The following SRRM4 variants were observed in gnomAD, a reference collection of about 807,000 sequenced individuals.
SRRM4 encodes the protein serine/arginine repetitive matrix 4.
SRRM4 carries 33 observed loss-of-function variants against 68.9 expected under a neutral mutation model. The ratio of observed to expected loss-of-function variants is 0.48; its 90% CI spans 0.36 to 0.64. The LOEUF (loss-of-function observed/expected upper bound fraction) is 0.64, where lower values mean the gene tolerates loss of function less well. SRRM4 is among the 30% of genes least tolerant of loss of function. The probability of loss-of-function intolerance (pLI) is 0.00; values close to 1 mark genes in which losing one functional copy is unlikely to be tolerated. For missense variants in SRRM4, 817 were observed against 827.1 expected, an observed-to-expected ratio of 0.99 and a Z score of 0.15; for synonymous variants, 318 against 318.8, an observed-to-expected ratio of 1.00 and a Z score of 0.03.
intron 1 of SRRM4, among the ~76,000 whole-genome samples, chr12:119,101,951 G>T (rs1050595599): frequency 6.6e-6 from 1 of 152,172 alleles, no homozygotes; most frequent in Non-Finnish European, 1.5e-5. Flanking sequence ...TGTGGTGAAG[G>T]CATCTTTCCT....
intron 9 of SRRM4, among the ~76,000 whole-genome samples, chr12:119,148,054 G>A (rs537896462): frequency 3.9e-5 from 6 of 152,268 alleles, no homozygotes; most frequent in Admixed American, 2.0e-4. Flanking sequence ...GCACAGTTGC[G>A]GGATGGGTGG....
chr12:118,990,357 G>T (rs1359700119), intron 1 of SRRM4, among the ~76,000 whole-genome samples: 2 of 152,158 alleles, frequency 1.3e-5, no homozygotes, highest in Non-Finnish European at 2.9e-5. Context: ...CTTACTATTT[G>T]TTTTGAACAG....
At chr12:119,080,070 T>TC (rs1472876906) in intron 1 of SRRM4, among the ~76,000 whole-genome samples, 1 of 152,134 alleles carries the variant, frequency 6.6e-6, no homozygotes, top group African/African-American at 2.4e-5. Context: ...AAGATGTACA[T>TC]CCATGCCTGG....
intron 1 of SRRM4, among the ~76,000 whole-genome samples, chr12:118,996,835 AAAAAATGTCACTTGT>A (rs1953352360): frequency 6.6e-6 from 1 of 152,208 alleles, no homozygotes; most frequent in Non-Finnish European, 1.5e-5. Flanking sequence ...GGTATGGAGC[AAAAAATGTCACTTGT>A]GAGGTCCAAC....
At chr12:119,005,284 C>A (rs772602803) in intron 1 of SRRM4, among the ~76,000 whole-genome samples, 1 of 152,232 alleles carries the variant, frequency 6.6e-6, no homozygotes, top group Non-Finnish European at 1.5e-5. Context: ...CTGAGGGAAA[C>A]TCAGCTGTCC....
At chr12:119,040,394 T>C (rs1415973724) in intron 1 of SRRM4, among the ~76,000 whole-genome samples, 1 of 152,188 alleles carries the variant, frequency 6.6e-6, no homozygotes, top group East Asian at 1.9e-4. Flanking sequence ...GTATCATTCT[T>C]ATGCCCTTGC....
At position 119,092,234 on chromosome 12, in the gene SRRM4, G is replaced by A. The variant is rs115582098; in HGVS notation, c.132-10002G>A. Among the ~76,000 whole-genome samples the A allele has an allele frequency of 9.6e-3, 1,455 of 152,162 alleles. 36 individuals carry two copies. The highest frequency in any genetic ancestry group is 0.033 in the African/African-American group (1,381 of 41,496). Reference sequence around the variant, plus strand: ...CTAGTTAGTTACTAGCCTGGTGTTCGTTCCATCTTACTCCCAGAAGATCCA... The same window carrying A: ...CTAGTTAGTTACTAGCCTGGTGTTCATTCCATCTTACTCCCAGAAGATCCA... On this transcript the variant is annotated intron_variant, in intron 1 of 12. Transcript: ENST00000267260.
At chr12:119,093,058 C>T (rs1352606385) in intron 1 of SRRM4, among the ~76,000 whole-genome samples, 1 of 152,218 alleles carries the variant, frequency 6.6e-6, no homozygotes, top group East Asian at 1.9e-4. Context: ...ACTTTCAAGT[C>T]TTTGCTCAAA....
At chr12:119,144,500 G>C (rs908389280) in intron 8 of SRRM4, 1 of 152,104 alleles carries the variant, frequency 6.6e-6, no homozygotes, top group Admixed American at 6.5e-5. Flanking sequence ...CACGTTGCCC[G>C]CTCTTCCCTT....
At chr12:119,011,256 C>T (rs149787952) in intron 1 of SRRM4, among the ~76,000 whole-genome samples, 18 of 152,212 alleles carry the variant, frequency 1.2e-4, no homozygotes, top group African/African-American at 4.3e-4. Context: ...AAACAAAGTA[C>T]TATGAAGAAG....
chr12:119,000,220 C>T (rs1347583986), intron 1 of SRRM4, among the ~76,000 whole-genome samples: 1 of 152,158 alleles, frequency 6.6e-6, no homozygotes, highest in Non-Finnish European at 1.5e-5. Context: ...GGGAAAAGAG[C>T]CGGGCACACC....
chr12:118,993,601 C>G (rs1953331087), intron 1 of SRRM4, among the ~76,000 whole-genome samples: 1 of 152,130 alleles, frequency 6.6e-6, no homozygotes, highest in African/African-American at 2.4e-5. Flanking sequence ...GGTCATGAAA[C>G]CTTCTTTCCA....
chr12:119,134,871 G>T (rs969973086), intron 8 of SRRM4, among the ~76,000 whole-genome samples: 1 of 152,220 alleles, frequency 6.6e-6, no homozygotes, highest in African/African-American at 2.4e-5. Flanking sequence ...AGGATCATTT[G>T]AGCTGGGCTT....
chr12:119,053,737 C>T (rs1953759300), intron 1 of SRRM4, among the ~76,000 whole-genome samples: 2 of 145,656 alleles, frequency 1.4e-5, no homozygotes, highest in African/African-American at 5.1e-5. Context: ...TGATCAAAAT[C>T]CCAACAGTAG....
intron 1 of SRRM4, among the ~76,000 whole-genome samples, chr12:119,036,242 G>C (rs1312077227): frequency 6.6e-6 from 1 of 152,158 alleles, no homozygotes; most frequent in Non-Finnish European, 1.5e-5. Context: ...GGCTCCACTT[G>C]GTGTGGCCAT....
At chr12:119,109,917 T>C (rs1055039867) in intron 2 of SRRM4, among the ~76,000 whole-genome samples, 1 of 152,144 alleles carries the variant, frequency 6.6e-6, no homozygotes, top group Non-Finnish European at 1.5e-5. Flanking sequence ...TTTTTAGAAT[T>C]TTAGCTTTTC....
At chr12:119,097,898 CA>C (rs1279197534) in intron 1 of SRRM4, among the ~76,000 whole-genome samples, 1 of 152,236 alleles carries the variant, frequency 6.6e-6, no homozygotes, top group African/African-American at 2.4e-5. Flanking sequence ...TGTGTTTATT[CA>C]ATGCTAAATT....
intron 2 of SRRM4, among the ~76,000 whole-genome samples, chr12:119,112,711 C>T (rs545550096): frequency 1.7e-4 from 26 of 152,208 alleles, no homozygotes; most frequent in Non-Finnish European, 3.2e-4. Flanking sequence ...AACAGAAAAC[C>T]AAATACTGCA....
chr12:119,127,751 G>GAAAAT (rs1954270753), intron 7 of SRRM4, among the ~76,000 whole-genome samples: 1 of 151,252 alleles, frequency 6.6e-6, no homozygotes, highest in African/African-American at 2.4e-5. Flanking sequence ...GAAAAGAAAA[G>GAAAAT]AAAGGAAGAA....
Sources: allele counts gnomAD v4.1 joint callset (sites outside exome capture counted in the v4.1 genomes callset), GRCh38; gene constraint gnomAD v4.1.1; transcripts MANE v1.5; gene names NCBI Gene and HGNC (gene_info 2026-07-23, HGNC 2026-07-21).